PDXDC1: variants seen among roughly 807,000 people sequenced by gnomAD.
PDXDC1 encodes the protein pyridoxal dependent decarboxylase domain containing 1, also known as pyridoxal-dependent decarboxylase domain-containing protein 1.
In PDXDC1, 42 loss-of-function variants were observed where a neutral mutation model predicts 100.1. That is an observed-to-expected ratio of 0.42 (90% CI 0.33 to 0.54). The LOEUF is 0.54. PDXDC1 is among the 20% of genes least tolerant of loss of function. The pLI, the probability that PDXDC1 is intolerant of heterozygous loss-of-function variation, is 0.10. For synonymous variants in PDXDC1, 260 were observed against 371.7 expected (o/e 0.70, Z 3.46); for missense variants, 636 against 979.2 (o/e 0.65, Z 4.68).
At chr16:15,131,416 T>C in intron 16 of PDXDC1, 1 of 1,608,040 alleles carries the variant, frequency 6.2e-7, no homozygotes, top group Non-Finnish European at 8.5e-7. Context: ...GTCACTGAGG[T>C]TAGCCGGGGC....
intron 16 of PDXDC1, among the ~76,000 whole-genome samples, chr16:15,063,471 G>A (rs2044805516): frequency 6.6e-6 from 1 of 152,086 alleles, no homozygotes; most frequent in African/African-American, 2.4e-5. Flanking sequence ...CACTTTGGGA[G>A]GCTGAGGTGG....
intron 12 of PDXDC1, among the ~76,000 whole-genome samples, chr16:15,020,449 G>T (rs1346302044): frequency 2.6e-5 from 4 of 152,262 alleles, no homozygotes; most frequent in Admixed American, 6.5e-5. Flanking sequence ...CCAGCACTTT[G>T]GGAGGCCGAG....
intron 16 of PDXDC1, among the ~76,000 whole-genome samples, chr16:15,097,943 T>TTC (rs1312226392): frequency 7.2e-6 from 1 of 139,170 alleles, no homozygotes; most frequent in Non-Finnish European, 1.6e-5. Context: ...TTATGCTTTT[T>TTC]TTTTTTTTTT....
At chr16:15,032,271 C>A (rs547138366) in intron 17 of PDXDC1, 5 of 237,944 alleles carry the variant, frequency 2.1e-5, no homozygotes, top group Non-Finnish European at 4.1e-5. Flanking sequence ...TGGGTGCAGT[C>A]CTATGGCTGC....
At position 15,125,553 on chromosome 16, in the gene PDXDC1, C is replaced by T; in HGVS notation, c.1400-13326C>T. On this transcript the variant is annotated intron_variant, in intron 16 of 16. Transcript: ENST00000535621. ...GAGGTTTCTCTAGGGGAACCCACCT[C>T]TTAGAATCATCCAGAAACAAGTCAC... 5 of 1,578,024 alleles carry T rather than the reference C, an allele frequency of 3.2e-6. No individual in the cohort carries two copies. The South Asian group carries it at 5.5e-5, about 17-fold the overall frequency.
At position 15,033,327 on chromosome 16, in the gene PDXDC1, C is replaced by A. The variant is rs142919870; in HGVS notation, c.1740C>A (p.Ser580Arg). ...GCTGCCTTTATGTCGGCATGGCGAG[C>A]GACAACGTCGATGCTGCTGAGCTCG... ...MKSCLYVGMASDNVDAAELVE... is the reference protein window; with the variant it reads ...MKSCLYVGMARDNVDAAELVE... The change falls in exon 19 of 23, where the codon AGC becomes AGA. Residue 580 changes from serine (S) to arginine (R), a missense_variant. By Grantham distance (110) the Ser-to-Arg change is moderately radical (BLOSUM62 -1). Coordinates refer to ENST00000396410, the MANE Select transcript of PDXDC1 (RefSeq NM_015027.4). The A allele has an allele frequency of 4.3e-6, 7 of 1,614,082 alleles. No individual in the cohort carries two copies. Among genetic ancestry groups the A allele is most frequent in the Non-Finnish European group, 4.2e-6 (5 of 1,179,962 alleles).
chr16:14,997,554 AAAC>A (rs1373935631), intron 1 of PDXDC1, among the ~76,000 whole-genome samples, 196 bp from the exon 2 acceptor site: 1 of 152,292 alleles, frequency 6.6e-6, no homozygotes. Context: ...ATAAAAATAA[AAAC>A]AGCGGCTTCC....
chr16:15,022,541 AGTT>A (rs1272303261), intron 12 of PDXDC1, among the ~76,000 whole-genome samples, 160 bp from the exon 13 acceptor site: 1 of 152,302 alleles, frequency 6.6e-6, no homozygotes, highest in Non-Finnish European at 1.5e-5. Context: ...GAATATTTAC[AGTT>A]GTTGAAATAC....
At chr16:15,151,759 C>T in the PDXDC1 span, among the ~76,000 whole-genome samples, 2 of 119,708 alleles carry the variant, frequency 1.7e-5, no homozygotes, top group Non-Finnish European at 3.9e-5. Flanking sequence ...TGGAGAAACC[C>T]TGTCTCTACT....
chr16:15,131,116 T>C, intron 16 of PDXDC1: 13 of 1,606,994 alleles, frequency 8.1e-6, no homozygotes, highest in Non-Finnish European at 1.1e-5. Context: ...GAGCTGCAGA[T>C]GCAGCACGGC....
At chr16:15,119,408 ATT>A (rs1203506902) in intron 16 of PDXDC1, among the ~76,000 whole-genome samples, 6 of 139,594 alleles carry the variant, frequency 4.3e-5, no homozygotes, top group African/African-American at 1.3e-4. Flanking sequence ...AAAAAAAAAA[ATT>A]TTTTTTGTTT....
At chr16:15,058,050 G>A (rs1449799832) in intron 16 of PDXDC1, among the ~76,000 whole-genome samples, 1 of 152,182 alleles carries the variant, frequency 6.6e-6, no homozygotes, top group Non-Finnish European at 1.5e-5. Flanking sequence ...TGCGGCTCAT[G>A]CCTGTAACCC....
chr16:15,004,834 T>C (rs1425289789), intron 5 of PDXDC1, among the ~76,000 whole-genome samples: 3 of 152,266 alleles, frequency 2.0e-5, no homozygotes, highest in Non-Finnish European at 4.4e-5. Flanking sequence ...ATCTCTTGAT[T>C]ACATATAATA....
chr16:15,144,288 C>A (rs1352910475), downstream of PDXDC1, among the ~76,000 whole-genome samples: 1 of 152,240 alleles, frequency 6.6e-6, no homozygotes, highest in Non-Finnish European at 1.5e-5. Context: ...TTTCCCTCTG[C>A]GCTGTGCTCC....
chr16:15,030,424 C>T lies in PDXDC1; in HGVS notation c.1399+368C>T, dbSNP rs1200749649. On this transcript the variant is annotated intron_variant, in intron 16 of 22. Transcript: ENST00000396410. ...AGCCAGGCATGGTGGTACACACCTGCAGTCCCAGCTACTTGGGAGGCTGAG... is the reference window on the plus strand; with the variant it reads ...AGCCAGGCATGGTGGTACACACCTGTAGTCCCAGCTACTTGGGAGGCTGAG... Among the ~76,000 whole-genome samples the T allele has an allele frequency of 5.9e-5, 9 of 151,648 alleles. No homozygotes were observed. The East Asian group carries it at 1.2e-3, about 20-fold the overall frequency.
intron 21 of PDXDC1, among the ~76,000 whole-genome samples, chr16:15,035,127 GATA>G (rs2043326839): frequency 6.6e-6 from 1 of 152,222 alleles, no homozygotes. Flanking sequence ...GAAAGCAAAA[GATA>G]ATCTGATTTC....
intron 15 of PDXDC1, 64 bp downstream of exon 15, chr16:15,029,030 T>C (rs1280786132): frequency 6.5e-7 from 1 of 1,548,746 alleles, no homozygotes; most frequent in Non-Finnish European, 8.8e-7. Flanking sequence ...GACCTGCTGG[T>C]GAGGGTGACG....
At chr16:15,038,667 T>G, downstream of PDXDC1, 9 of 1,589,010 alleles carry the variant, frequency 5.7e-6, no homozygotes, top group Non-Finnish European at 7.8e-6. Context: ...GTTCTGTCTC[T>G]GCATCATAAA....
chr16:15,137,311 C>T (rs1392729318), intron 16 of PDXDC1: 16 of 1,197,380 alleles, frequency 1.3e-5, no homozygotes, highest in African/African-American at 9.0e-5. Context: ...GGGCAGGAGG[C>T]GGCGGGGGGC....
Sources: gnomAD v4.1 joint callset for allele counts (sites outside exome capture counted in the v4.1 genomes callset) on GRCh38, gnomAD v4.1.1 for gene constraint, MANE v1.5 for transcripts, NCBI Gene and HGNC (gene_info 2026-07-23, HGNC 2026-07-21) for gene names.